The following PPP3CA variants were observed in gnomAD, a reference collection of about 807,000 sequenced individuals.
The protein encoded by PPP3CA is CAM-PRP catalytic subunit.
Under a neutral mutation model 66.5 loss-of-function variants are expected in PPP3CA, and 14 were observed. The observed-to-expected ratio is 0.21, with a 90% CI of 0.14 to 0.33. The LOEUF (loss-of-function observed/expected upper bound fraction) is 0.33. PPP3CA is among the 10% of genes least tolerant of loss of function. PPP3CA has a pLI of 1.00. For missense variants in PPP3CA, 317 were observed against 639.5 expected, an observed-to-expected ratio of 0.50 and a Z score of 5.44; for synonymous variants, 232 against 226.2, an observed-to-expected ratio of 1.03 and a Z score of -0.23.
intron 6 of PPP3CA, among the ~76,000 whole-genome samples, chr4:101,085,034 AAAAAAC>A (rs1174526260): frequency 2.6e-5 from 4 of 152,372 alleles, no homozygotes; most frequent in South Asian, 2.1e-4. Context: ...TGTCAGAGAA[AAAAAAC>A]AAAAACAAAA....
chr4:101,068,652 T>C (rs1262926266), intron 8 of PPP3CA, among the ~76,000 whole-genome samples: 1 of 152,164 alleles, frequency 6.6e-6, no homozygotes, highest in Non-Finnish European at 1.5e-5. Flanking sequence ...ACACAGTCTC[T>C]ACAATTCCTT....
intron 1 of PPP3CA, among the ~76,000 whole-genome samples, chr4:101,233,503 G>T (rs929798315): frequency 2.6e-5 from 4 of 151,586 alleles, no homozygotes; most frequent in Non-Finnish European, 5.9e-5. Flanking sequence ...TATTTTGTTC[G>T]CATTTTTAAA....
At chr4:101,173,832 C>A (rs576051846) in intron 2 of PPP3CA, among the ~76,000 whole-genome samples, 1 of 152,136 alleles carries the variant, frequency 6.6e-6, no homozygotes, top group Non-Finnish European at 1.5e-5. Flanking sequence ...AGGAGGATCA[C>A]TTGAGGCCAC....
At chr4:101,039,420 A>C (rs970197800) in intron 11 of PPP3CA, among the ~76,000 whole-genome samples, 4 of 145,180 alleles carry the variant, frequency 2.8e-5, no homozygotes, top group African/African-American at 5.0e-5. Flanking sequence ...ATAAGCCCTG[A>C]AAATGTAGTT....
intron 1 of PPP3CA, among the ~76,000 whole-genome samples, chr4:101,230,839 C>T (rs1372592040): frequency 2.0e-5 from 3 of 151,814 alleles, no homozygotes; most frequent in Admixed American, 2.0e-4. Flanking sequence ...CCTGAAGACA[C>T]AATGAGGATT....
chr4:101,300,158 C>T (rs1007828685), intron 1 of PPP3CA, among the ~76,000 whole-genome samples: 7 of 152,166 alleles, frequency 4.6e-5, no homozygotes, highest in African/African-American at 1.7e-4. Context: ...GGTCATACCA[C>T]AAATCAGACA....
rs1729541494 is a variant in PPP3CA at position 101,333,972 on chromosome 4, G to A, written c.58+12767C>T. ...CAGTGCAGAGCCACACACGCAGTGG[G>A]CACTAAAAGTCTGACACATACGTGA... On this transcript the variant is annotated intron_variant, in intron 1 of 13. Transcript: ENST00000394854. Among the ~76,000 whole-genome samples the A allele has an allele frequency of 1.3e-5, 2 of 152,170 alleles. 1 individual carries two copies. Among genetic ancestry groups the A allele is most frequent in the South Asian group, 4.1e-4 (2 of 4,830 alleles).
chr4:101,051,971 T>G (rs539054885), intron 10 of PPP3CA, among the ~76,000 whole-genome samples: 1 of 152,236 alleles, frequency 6.6e-6, no homozygotes, highest in South Asian at 2.1e-4. Context: ...GAGTATAATA[T>G]GCTGGCCAAT....
chr4:101,151,882 TCCTGA>T (rs1404544951), intron 2 of PPP3CA, among the ~76,000 whole-genome samples: 4 of 152,000 alleles, frequency 2.6e-5, no homozygotes, highest in Admixed American at 1.3e-4. Flanking sequence ...GATCTTGATC[TCCTGA>T]CCTCATGATT....
intron 2 of PPP3CA, among the ~76,000 whole-genome samples, chr4:101,189,687 CAAA>C (rs554383258): frequency 2.8e-5 from 2 of 72,612 alleles, no homozygotes; most frequent in East Asian, 4.1e-4. Context: ...TAGTGAACGG[CAAA>C]AAAAAAAAAA....
chr4:101,113,104 T>C (rs911827894), intron 2 of PPP3CA, among the ~76,000 whole-genome samples: 2 of 152,152 alleles, frequency 1.3e-5, no homozygotes, highest in African/African-American at 4.8e-5. Flanking sequence ...GTGCTTATTT[T>C]AAGCCTTTAA....
chr4:101,092,291 T>C (rs1729987951), intron 6 of PPP3CA, among the ~76,000 whole-genome samples: 1 of 152,150 alleles, frequency 6.6e-6, no homozygotes, highest in Non-Finnish European at 1.5e-5. Flanking sequence ...GATAAACAAA[T>C]GTAAGAAGGA....
rs139712470 is a variant in PPP3CA at position 101,329,311 on chromosome 4, A to C, written c.58+17428T>G. 8.6e-3 allele frequency among the ~76,000 whole-genome samples: 1,299 copies of C among 151,396 alleles called. 17 individuals are homozygous for C. The highest frequency in any genetic ancestry group is 0.031 in the Middle Eastern group (9 of 290). On this transcript the variant is annotated intron_variant, in intron 1 of 13. Coordinates refer to ENST00000394854, the MANE Select transcript of PPP3CA (RefSeq NM_000944.5). ...ACACCTAATCAGCAGCCAAGACCCT[A>C]ACTCTCTTCAATTCCATGAAGGCTG... is the stretch of plus-strand genomic sequence containing the variant.
intron 1 of PPP3CA, among the ~76,000 whole-genome samples, chr4:101,199,942 C>G (rs1032229296): frequency 2.6e-5 from 4 of 152,176 alleles, no homozygotes; most frequent in African/African-American, 9.7e-5. Flanking sequence ...AAACACATTT[C>G]AAGTCACAAA....
intron 1 of PPP3CA, among the ~76,000 whole-genome samples, chr4:101,203,271 C>T (rs984743997): frequency 1.3e-5 from 2 of 152,084 alleles, no homozygotes; most frequent in Non-Finnish European, 2.9e-5. Flanking sequence ...CCGAGGTGGG[C>T]GGATCACGAG....
At chr4:101,220,139 A>G (rs190086262) in intron 1 of PPP3CA, among the ~76,000 whole-genome samples, 21 of 151,948 alleles carry the variant, frequency 1.4e-4, no homozygotes, top group Admixed American at 1.2e-3. Flanking sequence ...GTTACAATAC[A>G]TACGAATATT....
intron 6 of PPP3CA, among the ~76,000 whole-genome samples, chr4:101,086,603 T>C (rs1729685536): frequency 6.6e-6 from 1 of 152,176 alleles, no homozygotes; most frequent in African/African-American, 2.4e-5. Flanking sequence ...TTTTTCCTCC[T>C]GGAAAGGCCT....
intron 1 of PPP3CA, among the ~76,000 whole-genome samples, chr4:101,298,841 C>CTGTGTGTG (rs57507050): frequency 5.8e-4 from 81 of 140,088 alleles, no homozygotes; most frequent in Non-Finnish European, 7.2e-4. Flanking sequence ...CAAGGGTCTA[C>CTGTGTGTG]TGTGTGTGTG....
intron 9 of PPP3CA, among the ~76,000 whole-genome samples, chr4:101,062,560 A>C (rs1728512263): frequency 6.6e-6 from 1 of 152,008 alleles, no homozygotes; most frequent in Non-Finnish European, 1.5e-5. Context: ...TGAATGAAAA[A>C]CAATTGGTGC....
Sources: allele counts gnomAD v4.1 joint callset (sites outside exome capture counted in the v4.1 genomes callset), GRCh38; gene constraint gnomAD v4.1.1; transcripts MANE v1.5; gene names NCBI Gene and HGNC (gene_info 2026-07-23, HGNC 2026-07-21).